The following CBLL1 variants were observed in gnomAD, a reference collection of about 807,000 sequenced individuals.
CBLL1 encodes the protein Cbl proto-oncogene like 1.
Under a neutral mutation model 44.9 loss-of-function variants are expected in CBLL1, and 4 were observed. The ratio of observed to expected loss-of-function variants is 0.09; its 90% CI spans 0.04 to 0.20. The LOEUF (loss-of-function observed/expected upper bound fraction) is 0.20, where lower values mean the gene tolerates loss of function less well. CBLL1 is among the 10% of genes least tolerant of loss of function. CBLL1 has a pLI of 1.00. For missense variants in CBLL1, 569 were observed against 636.7 expected, an observed-to-expected ratio of 0.89 and a Z score of 1.14; for synonymous variants, 235 against 202.2, an observed-to-expected ratio of 1.16 and a Z score of -1.38.
At chr7:107,756,512 A>G (rs1255982992) in intron 5 of CBLL1, among the ~76,000 whole-genome samples, 2 of 152,160 alleles carry the variant, frequency 1.3e-5, no homozygotes, top group Admixed American at 6.5e-5. Flanking sequence ...TTAGAAATAC[A>G]TATCACTTGT....
intron 5 of CBLL1, among the ~76,000 whole-genome samples, chr7:107,755,774 A>G (rs369043294): frequency 5.9e-4 from 90 of 152,292 alleles, no homozygotes; most frequent in South Asian, 5.2e-3. Context: ...ACATTAAAGA[A>G]GTATTAAGAT....
Position 107,758,768 on chromosome 7 carries a change from C to G in CBLL1, c.1066C>G (p.Pro356Ala). The G allele has an allele frequency of 4.3e-6, 7 of 1,613,738 alleles. No individual in the cohort carries two copies. Among genetic ancestry groups the G allele is most frequent in the Non-Finnish European group, 5.9e-6 (7 of 1,179,886 alleles). ...TCCACCACCAATAAGCCATCCAATG[C>G]CACATCCTCCCCAGGCTGCAGGTAC... is the stretch of plus-strand genomic sequence containing the variant. ...PPPPPISHPMPHPPQAAGTPH... is the reference protein window; with the variant it reads ...PPPPPISHPMAHPPQAAGTPH... The change falls in exon 6 of 6, where the codon CCA (proline) becomes GCA (alanine). Residue 356 changes from proline (P) to alanine (A), a missense_variant. By Grantham distance (27) the Pro-to-Ala change is conservative (BLOSUM62 -1). Transcript: ENST00000440859. This position sits in a 1 kb window ranked among gnomAD's most constrained non-coding sequence, Gnocchi z 4.2.
Position 107,759,313 on chromosome 7 carries a change from A to G in CBLL1, c.*135A>G, listed in dbSNP as rs1439119615. 3 of 740,202 alleles carry G rather than the reference A, an allele frequency of 4.1e-6. No individual in the cohort carries two copies. The highest frequency in any genetic ancestry group is 6.4e-6 in the Non-Finnish European group (3 of 465,612). 45.9% of individuals were successfully genotyped at this position (740,202 alleles called of 1,614,324 possible). ...AAAACACATAGGGTCTTGTTTCTTA[A>G]AATGGTTTTAAATCTTGACCTTAAG... On this transcript the variant is annotated 3_prime_UTR_variant, in exon 6 of 6. Transcript: ENST00000440859.
chr7:107,758,361 T>A lies in CBLL1; in HGVS notation c.659T>A (p.Phe220Tyr). 3 of 1,614,070 alleles carry A rather than the reference T, an allele frequency of 1.9e-6. No homozygotes were observed. Among genetic ancestry groups the A allele is most frequent in the Non-Finnish European group, 2.5e-6 (3 of 1,180,012 alleles). ...APPPTEIPERFIMPPDKHHMS... is the reference protein window; with the variant it reads ...APPPTEIPERYIMPPDKHHMS... ...CCACCAACTGAAATCCCTGAGCGTT[T>A]TATAATGCCACCAGACAAGCACCAT... Residue 220 changes from phenylalanine (F) to tyrosine (Y), a missense_variant, in exon 6 of 6, where the codon TTT becomes TAT. Physicochemically the swap from Phe to Tyr is conservative, Grantham distance 22. Around this residue, in one of 5 missense-constraint regions of CBLL1, gnomAD observed 111 missense variants for 113.0 expected, o/e 0.98. Coordinates refer to ENST00000440859, the MANE Select transcript of CBLL1 (RefSeq NM_024814.4). This position sits in a 1 kb window ranked among gnomAD's most constrained non-coding sequence, Gnocchi z 4.2.
chr7:107,759,124 A>G lies in CBLL1; in HGVS notation c.1422A>G (p.Pro474=). 2 of 1,613,656 alleles carry G rather than the reference A, an allele frequency of 1.2e-6. No individual in the cohort carries two copies. Among genetic ancestry groups the G allele is most frequent in the Non-Finnish European group, 1.7e-6 (2 of 1,179,898 alleles). The part of the protein sequence containing the change: ...PRLQGPPSQT[P]LPGPHHPDQT... ...TGCAGGGTCCGCCTTCTCAAACCCC[A>G]CTTCCTGGACCACATCATCCAGATC... Residue 474 remains proline (P), a synonymous_variant, in exon 6 of 6, where the codon CCA becomes CCG. Transcript: ENST00000440859.
rs1793677785 is a variant in CBLL1 at position 107,759,460 on chromosome 7, T to C, written c.*282T>C. 1.1e-5 allele frequency: 3 copies of C among 276,164 alleles called. No individual in the cohort carries two copies. The highest frequency in any genetic ancestry group is 1.1e-3 in the Middle Eastern group (1 of 912). The allele number at this position is 276,164 out of a possible 1,614,324, so 17.1% of individuals were successfully genotyped here. ...CCCAGAGGTGACCATTTGTAAAAAA[T>C]TTGAAAAAATTTTTCATTGTTTTAC... is the stretch of plus-strand genomic sequence containing the variant. On this transcript the variant is annotated 3_prime_UTR_variant, in exon 6 of 6. Coordinates refer to ENST00000440859, the MANE Select transcript of CBLL1 (RefSeq NM_024814.4).
Position 107,759,257 on chromosome 7 carries a change from G to GAAGGAAGAGT in CBLL1, c.*81_*90dup. 7.8e-7 allele frequency: 1 copy of GAAGGAAGAGT among 1,282,566 alleles called. No homozygotes were observed. The highest frequency in any genetic ancestry group is 1.1e-6 in the Non-Finnish European group (1 of 931,116). The allele number at this position is 1,282,566 out of a possible 1,614,324, so 79.4% of individuals were successfully genotyped here. A position where few individuals can be genotyped will look rare whatever the true frequency, so the allele number is the denominator to read the frequency against. ...ATCTTTTAAGCTTTGACTGTTTTGG[G>GAAGGAAGAGT]AAGGAAGAGTACCTCTTATCGAGGT... On this transcript the variant is annotated 3_prime_UTR_variant, in exon 6 of 6. Coordinates refer to ENST00000440859, the MANE Select transcript of CBLL1 (RefSeq NM_024814.4).
In CBLL1 at chr7:107,758,269, C is replaced by T. The variant is rs1163014204; in HGVS notation, c.567C>T (p.Arg189=). The T allele has an allele frequency of 6.2e-7, 1 of 1,614,058 alleles. No homozygotes were observed. The highest frequency in any genetic ancestry group is 1.1e-5 in the South Asian group (1 of 91,072). The part of the protein sequence containing the change: ...QRDLQAHINH[R]HMRAGKPVTR... ...ACTTACAGGCTCATATCAACCATCG[C>T]CATATGAGAGCTGGAAAACCTGTTA... Residue 189 remains arginine, a synonymous_variant, in exon 6 of 6, where the codon CGC becomes CGT. Transcript: ENST00000440859. This position sits in a 1 kb window ranked among gnomAD's most constrained non-coding sequence, Gnocchi z 4.2.
chr7:107,754,652 T>C (rs1278903999), intron 4 of CBLL1, among the ~76,000 whole-genome samples: 1 of 152,158 alleles, frequency 6.6e-6, no homozygotes, highest in African/African-American at 2.4e-5. Flanking sequence ...CATCATTTAA[T>C]GTATCCTTCT....
intron 2 of CBLL1, among the ~76,000 whole-genome samples, chr7:107,752,289 T>C (rs985714346): frequency 6.6e-6 from 1 of 152,220 alleles, no homozygotes; most frequent in African/African-American, 2.4e-5. Context: ...ATGGGTGATA[T>C]AGGAGCCTAG....
At position 107,758,951 on chromosome 7, in the gene CBLL1, A is replaced by C. The variant is rs773879228; in HGVS notation, c.1249A>C (p.Thr417Pro). The C allele has an allele frequency of 1.1e-5, 17 of 1,613,400 alleles. No homozygotes were observed. The highest frequency in any genetic ancestry group is 6.7e-5 in the East Asian group (3 of 44,884). The change falls in exon 6 of 6, where the codon ACT becomes CCT. Residue 417 changes from threonine to proline, a missense_variant. Around this residue, in one of 5 missense-constraint regions of CBLL1, gnomAD observed 228 missense variants for 253.2 expected, o/e 0.90. Coordinates refer to ENST00000440859, the MANE Select transcript of CBLL1 (RefSeq NM_024814.4). This position sits in a 1 kb window ranked among gnomAD's most constrained non-coding sequence, Gnocchi z 4.2. ...PPPQHGGPPV[T>P]APPPHHYNPN... ...ACCTCAACATGGTGGTCCACCTGTAACTGCACCCCCTCCTCACCATTATAA... is the reference window on the plus strand; with the variant it reads ...ACCTCAACATGGTGGTCCACCTGTACCTGCACCCCCTCCTCACCATTATAA...
chr7:107,755,625 G>A (rs1455911593), intron 5 of CBLL1, 134 bp downstream of exon 5: 3 of 442,008 alleles, frequency 6.8e-6, no homozygotes, highest in Non-Finnish European at 1.2e-5. Flanking sequence ...ATCTTTTTCT[G>A]TGAGCCCAGC....
chr7:107,759,495 ATTGTT>A lies in CBLL1; in HGVS notation c.*323_*327del. The A allele has an allele frequency of 4.6e-6, 1 of 216,704 alleles. No homozygotes were observed. Among genetic ancestry groups the A allele is most frequent in the East Asian group, 1.0e-4 (1 of 9,856 alleles). 13.4% of individuals were successfully genotyped at this position (216,704 alleles called of 1,614,324 possible). On this transcript the variant is annotated 3_prime_UTR_variant, in exon 6 of 6. Coordinates refer to ENST00000440859, the MANE Select transcript of CBLL1 (RefSeq NM_024814.4). ...TTTTTCATTGTTTTACTTCAAAAGTATTGTTTTGTTAAACCCAACGTTTAGTTTTT... is the reference window on the plus strand; with the variant it reads ...TTTTTCATTGTTTTACTTCAAAAGTATTGTTAAACCCAACGTTTAGTTTTT...
intron 2 of CBLL1, chr7:107,752,497 C>A: frequency 1.0e-6 from 1 of 1,002,556 alleles, no homozygotes; most frequent in Non-Finnish European, 1.4e-6. Context: ...GTAATTTAGT[C>A]ATGTGGGTAA....
Position 107,758,690 on chromosome 7 carries a change from C to A in CBLL1, c.988C>A (p.His330Asn), listed in dbSNP as rs1247016577. Reference protein sequence around the residue: ...PEYQGQPVVSHPHHIMPPQQH... With the variant: ...PEYQGQPVVSNPHHIMPPQQH... ...ATATCAGGGTCAACCAGTGGTATCG[C>A]ACCCTCATCATATTATGCCTCCACA... Residue 330 changes from histidine to asparagine, a missense_variant, in exon 6 of 6, where the codon CAC becomes AAC. By Grantham distance (68) the His-to-Asn change is moderately conservative. Coordinates refer to ENST00000440859, the MANE Select transcript of CBLL1 (RefSeq NM_024814.4). The surrounding 1 kb of genome is among the most constrained non-coding windows in gnomAD (Gnocchi z 4.2). 6.2e-7 allele frequency: 1 copy of A among 1,613,958 alleles called. No individual in the cohort carries two copies. Among genetic ancestry groups the A allele is most frequent in the Non-Finnish European group, 8.5e-7 (1 of 1,179,976 alleles).
intron 2 of CBLL1, chr7:107,752,511 T>C: frequency 8.0e-7 from 1 of 1,246,552 alleles, no homozygotes; most frequent in African/African-American, 1.5e-5. Flanking sequence ...TGGGTAAAGT[T>C]AAAACTTGTG....
rs558198046 is a variant in CBLL1 at position 107,747,507 on chromosome 7, T to C, written c.14-1373T>C. 1.3e-4 allele frequency among the ~76,000 whole-genome samples: 20 copies of C among 152,330 alleles called. 1 individual carries two copies. The South Asian group carries it at 3.9e-3, about 30-fold the overall frequency. ...GCCAATGCATTGCTTGTAAGTACTT[T>C]TACATACATAAGCAACTACAATGAA... On this transcript the variant is annotated intron_variant, in intron 1 of 5. Transcript: ENST00000440859.
chr7:107,749,972 TTGAGAC>T (rs1490098193), intron 2 of CBLL1, among the ~76,000 whole-genome samples: 1 of 152,132 alleles, frequency 6.6e-6, no homozygotes, highest in Non-Finnish European at 1.5e-5. Flanking sequence ...TTTTGTTTTT[TTGAGAC>T]TGAGTCTTAC....
rs1793607090 is a variant in CBLL1 at position 107,758,046 on chromosome 7, G to T, written c.441-97G>T. 2.7e-6 allele frequency: 3 copies of T among 1,099,660 alleles called. No individual in the cohort carries two copies. The highest frequency in any genetic ancestry group is 3.8e-6 in the Non-Finnish European group (3 of 782,164). 68.1% of individuals were successfully genotyped at this position (1,099,660 alleles called of 1,614,324 possible). A position where few individuals can be genotyped will look rare whatever the true frequency, so the allele number is the denominator to read the frequency against. On this transcript the variant is annotated intron_variant, in intron 5 of 5. Coordinates refer to ENST00000440859, the MANE Select transcript of CBLL1 (RefSeq NM_024814.4). The surrounding 1 kb of genome is among the most constrained non-coding windows in gnomAD (Gnocchi z 4.2). ...ATTGTGGACTTTTGCTATGTTTTATGTAACAGTCAAATTTTAAAAACAAGC... is the reference window on the plus strand; with the variant it reads ...ATTGTGGACTTTTGCTATGTTTTATTTAACAGTCAAATTTTAAAAACAAGC...
Sources: gnomAD v4.1 joint callset for allele counts (sites outside exome capture counted in the v4.1 genomes callset) on GRCh38, gnomAD v4.1.1 for gene constraint, gnomAD v4.1.1 regional missense constraint, Gnocchi (gnomAD v3.1) non-coding constraint, MANE v1.5 for transcripts, NCBI Gene and HGNC (gene_info 2026-07-23, HGNC 2026-07-21) for gene names.